SH3PXD2A: variants seen among roughly 807,000 people sequenced by gnomAD.
SH3PXD2A encodes SH3 and PX domains 2A, also known as SH3 and PX domain-containing protein 2A.
Under a neutral mutation model 115.2 loss-of-function variants are expected in SH3PXD2A, and 32 were observed. That is an observed-to-expected ratio of 0.28 (90% CI 0.21 to 0.37). The LOEUF (loss-of-function observed/expected upper bound fraction) is 0.37. Among genes scored for constraint, SH3PXD2A ranks in the 10% least tolerant of loss-of-function variants. SH3PXD2A has a pLI of 1.00. For synonymous variants in SH3PXD2A, 610 were observed against 629.1 expected, an observed-to-expected ratio of 0.97 and a Z score of 0.45; for missense variants, 1,328 against 1,498.7, an observed-to-expected ratio of 0.89 and a Z score of 1.88.
chr10:103,616,677 G>A (rs978693922), intron 11 of SH3PXD2A, among the ~76,000 whole-genome samples: 2 of 152,234 alleles, frequency 1.3e-5, no homozygotes, highest in African/African-American at 4.8e-5. Flanking sequence ...CCTGCAGATT[G>A]GACAGCCAGT....
chr10:103,683,658 T>G (rs529684250), intron 6 of SH3PXD2A, among the ~76,000 whole-genome samples: 1 of 152,248 alleles, frequency 6.6e-6, no homozygotes, highest in South Asian at 2.1e-4. Context: ...TAAGACCCCA[T>G]GTTAAAAATT....
In SH3PXD2A at chr10:103,603,007, C is replaced by T. The variant is rs765132348; in HGVS notation, c.2211G>A (p.Lys737=). 1.2e-6 allele frequency: 2 copies of T among 1,614,210 alleles called. No homozygotes were observed. Among genetic ancestry groups the T allele is most frequent in the Non-Finnish European group, 1.7e-6 (2 of 1,180,044 alleles). The change falls in exon 15 of 15, where the codon AAG becomes AAA. Residue 737 remains lysine (K), a synonymous_variant. Coordinates refer to ENST00000369774, the MANE Select transcript of SH3PXD2A (RefSeq NM_001394015.1). ...GCCCAGCGTTCGCATCAGCATCCTTCTTTGCCCTGACCTTGGGAGTGCCGC... is the reference window on the plus strand; with the variant it reads ...GCCCAGCGTTCGCATCAGCATCCTTTTTTGCCCTGACCTTGGGAGTGCCGC... ...GIRGTPKVRA[K]KDADANAGLT... is the part of the protein sequence containing the mutation.
chr10:103,852,011 C>T (rs746847108), intron 1 of SH3PXD2A, among the ~76,000 whole-genome samples: 8 of 152,226 alleles, frequency 5.3e-5, no homozygotes, highest in African/African-American at 1.9e-4. Context: ...AACTTTCAAA[C>T]GAAGGAATCT....
intron 7 of SH3PXD2A, among the ~76,000 whole-genome samples, chr10:103,664,720 G>A (rs1401950018): frequency 2.0e-5 from 3 of 148,854 alleles, no homozygotes; most frequent in African/African-American, 7.5e-5. Context: ...AGGTTGGAGT[G>A]CAGTGGCAAA....
At chr10:103,771,981 C>T (rs2038828010) in intron 2 of SH3PXD2A, among the ~76,000 whole-genome samples, 1 of 152,184 alleles carries the variant, frequency 6.6e-6, no homozygotes, top group African/African-American at 2.4e-5. Flanking sequence ...AGTCATCCCC[C>T]ACCCCCATGG....
chr10:103,728,889 G>GTTTTTTTTTTT (rs199842369), intron 4 of SH3PXD2A, among the ~76,000 whole-genome samples: 1 of 142,856 alleles, frequency 7.0e-6, no homozygotes, highest in African/African-American at 2.7e-5. Flanking sequence ...TTTTTTGTTT[G>GTTTTTTTTTTT]TTTGTTTGTT....
rs1282479767 is a variant in SH3PXD2A at position 103,784,271 on chromosome 10, G to A, written c.153+17011C>T. The stretch of plus-strand genomic sequence containing the variant: ...CCAAGAGGTCACAGAAGCAGGGGTC[G>A]CCCAAGCCTCTGTGCATGCCCAAGG... On this transcript the variant is annotated intron_variant, in intron 2 of 14. Transcript: ENST00000369774. The surrounding 1 kb of genome is among the most constrained non-coding windows in gnomAD (Gnocchi z 4.4). Among the ~76,000 whole-genome samples, 3 of 152,186 alleles carry A rather than the reference G, an allele frequency of 2.0e-5. No individual in the cohort carries two copies. The highest frequency in any genetic ancestry group is 6.5e-5 in the Admixed American group (1 of 15,288).
At chr10:103,785,839 C>T (rs780082228) in intron 2 of SH3PXD2A, among the ~76,000 whole-genome samples, 8 of 151,454 alleles carry the variant, frequency 5.3e-5, no homozygotes, top group Admixed American at 2.0e-4. Flanking sequence ...CGGCCGCATC[C>T]TGGGATGAGA....
At chr10:103,842,526 T>C (rs1266658319) in intron 1 of SH3PXD2A, among the ~76,000 whole-genome samples, 1 of 152,242 alleles carries the variant, frequency 6.6e-6, no homozygotes, top group Non-Finnish European at 1.5e-5. Flanking sequence ...TTTGTATTCA[T>C]TAATCAACCT....
rs765765228 is a variant in SH3PXD2A at position 103,613,112 on chromosome 10, GTTC to G, written c.996_998del (p.Lys332del). 2 of 1,614,076 alleles carry G rather than the reference GTTC, an allele frequency of 1.2e-6. No individual in the cohort carries two copies. The highest frequency in any genetic ancestry group is 4.5e-5 in the East Asian group (2 of 44,880). ...CAATGATCTCCACTGGGCCGGCCAG[GTTC>G]TTCTTCCGGGTTGGCAGGTCATCCT... On this transcript the variant is annotated inframe_deletion, in exon 12 of 15. Transcript: ENST00000369774.
rs1368089422 is a variant in SH3PXD2A at position 103,661,718 on chromosome 10, C to G, written c.473-604G>C. On this transcript the variant is annotated intron_variant, in intron 7 of 14. Transcript: ENST00000369774. ...AGAGAGCTTCTCCACGGCCCAGGCCCAGGCGAGGAGTCAAGAGGGTTTGAG... is the reference window on the plus strand; with the variant it reads ...AGAGAGCTTCTCCACGGCCCAGGCCGAGGCGAGGAGTCAAGAGGGTTTGAG... 13 of 985,256 alleles carry G rather than the reference C, an allele frequency of 1.3e-5. No homozygotes were observed. In the East Asian group the frequency reaches 1.5e-3, roughly 112 times the overall value. The allele number at this position is 985,256 out of a possible 1,614,324, so 61.0% of individuals were successfully genotyped here. A position where few individuals can be genotyped will look rare whatever the true frequency, so the allele number is the denominator to read the frequency against.
At chr10:103,805,030 C>G (rs543533274) in intron 1 of SH3PXD2A, among the ~76,000 whole-genome samples, 2 of 152,312 alleles carry the variant, frequency 1.3e-5, no homozygotes, top group Admixed American at 1.3e-4. Flanking sequence ...CCAATCCGCC[C>G]CTGGAGAGAG....
chr10:103,611,450 T>C (rs548910560), intron 13 of SH3PXD2A, 131 bp downstream of exon 13: 2 of 833,928 alleles, frequency 2.4e-6, no homozygotes, highest in African/African-American at 3.4e-5. Flanking sequence ...CCCACAAAAC[T>C]AGAAGCCCCA....
At chr10:103,782,108 A>G (rs914156199) in intron 2 of SH3PXD2A, among the ~76,000 whole-genome samples, 7 of 152,196 alleles carry the variant, frequency 4.6e-5, no homozygotes, top group Admixed American at 1.3e-4. Context: ...TGACCTAACA[A>G]GGGAAAGATC....
At chr10:103,663,577 A>C (rs754336422) in intron 7 of SH3PXD2A, among the ~76,000 whole-genome samples, 19 of 152,264 alleles carry the variant, frequency 1.2e-4, no homozygotes, top group Non-Finnish European at 2.4e-4. Flanking sequence ...CTCCAGAGAG[A>C]CAGGTTTCTT....
At chr10:103,613,312 G>A in intron 11 of SH3PXD2A, 122 bp from the exon 12 acceptor site, 1 of 720,594 alleles carries the variant, frequency 1.4e-6, no homozygotes, top group Non-Finnish European at 2.2e-6. Context: ...TGCAAGGCTT[G>A]GCAATCCCAC....
At chr10:103,724,804 C>T (rs1381078771) in intron 4 of SH3PXD2A, among the ~76,000 whole-genome samples, 1 of 151,864 alleles carries the variant, frequency 6.6e-6, no homozygotes, top group Admixed American at 6.6e-5. Flanking sequence ...AAAAAAAAGA[C>T]CACTGAACCC....
chr10:103,623,807 C>T (rs2036647761), intron 9 of SH3PXD2A, among the ~76,000 whole-genome samples: 1 of 152,182 alleles, frequency 6.6e-6, no homozygotes, highest in Non-Finnish European at 1.5e-5. Context: ...AAACATGAAT[C>T]AGGTCCTGTG....
chr10:103,633,734 A>C (rs1409724975), intron 8 of SH3PXD2A, among the ~76,000 whole-genome samples: 1 of 120,768 alleles, frequency 8.3e-6, no homozygotes, highest in Non-Finnish European at 1.6e-5. Flanking sequence ...TCTCAAAAAA[A>C]AAAAAAAAAA....
Sources: allele counts gnomAD v4.1 joint callset (sites outside exome capture counted in the v4.1 genomes callset), GRCh38; gene constraint gnomAD v4.1.1; non-coding constraint Gnocchi (gnomAD v3.1); transcripts MANE v1.5; gene names NCBI Gene and HGNC (gene_info 2026-07-23, HGNC 2026-07-21).